The following SRCIN1 variants were observed in gnomAD, a reference collection of about 807,000 sequenced individuals.
The protein encoded by SRCIN1 is SRC kinase signaling inhibitor 1.
SRCIN1 carries 50 observed loss-of-function variants against 116.2 expected under a neutral mutation model. That is an observed-to-expected ratio of 0.43 (90% confidence interval 0.34 to 0.54). The LOEUF (loss-of-function observed/expected upper bound fraction) is 0.54. SRCIN1 is among the 20% of genes least tolerant of loss of function. The pLI is 0.02. For synonymous variants in SRCIN1, 736 were observed against 750.0 expected (o/e 0.98, Z 0.30); for missense variants, 1,446 against 1,672.0 (o/e 0.86, Z 2.36).
rs1906414975 is a variant in SRCIN1, at chr17:38,563,334, C to T, written c.729G>A (p.Leu243=). ...KDEARNVFYE[L]EDVRDIQDRS... ...CGGTCCACGCCCACCGGACGTCCTC[C>T]AGCTCGTAGAAGACGTTGCGAGCCT... Residue 243 remains leucine (L), a synonymous_variant, in exon 5 of 19, where the codon CTG becomes CTA. Transcript: ENST00000617146. This position sits in a 1 kb window ranked among gnomAD's most constrained non-coding sequence, Gnocchi z 5.8. 11 of 1,573,088 alleles carry T rather than the reference C, an allele frequency of 7.0e-6. No individual in the cohort carries two copies. Among genetic ancestry groups the T allele is most frequent in the Non-Finnish European group, 9.5e-6 (11 of 1,158,602 alleles).
In SRCIN1 at chr17:38,561,553, C is replaced by T; in HGVS notation, c.1610G>A (p.Gly537Glu). Residue 537 changes from glycine (G) to glutamate (E), a missense_variant, in exon 7 of 19, where the codon GGA (glycine) becomes GAA (glutamate). Gly to Glu is a moderately conservative substitution (Grantham distance 98). This residue lies in a region of SRCIN1 where 398 missense variants were observed against 385.6 expected (regional missense o/e 1.03). Transcript: ENST00000617146. ...TRSAGSASTA[G>E]APPSELFPGP... ...AGGGAAGAGCTCCGAAGGGGGAGCTCCGGCCGTCGAGGCGCTCCCCGCGCT... is the reference window on the plus strand; with the variant it reads ...AGGGAAGAGCTCCGAAGGGGGAGCTTCGGCCGTCGAGGCGCTCCCCGCGCT... 6.2e-7 allele frequency: 1 copy of T among 1,601,330 alleles called. No individual in the cohort carries two copies. Among genetic ancestry groups the T allele is most frequent in the Non-Finnish European group, 8.5e-7 (1 of 1,176,402 alleles).
intron 1 of SRCIN1, among the ~76,000 whole-genome samples, chr17:38,589,419 A>C (rs2143394610): frequency 6.6e-6 from 1 of 152,304 alleles, no homozygotes; most frequent in East Asian, 1.9e-4. Flanking sequence ...TTGGGGTGAA[A>C]GACAGTGGGG....
intron 2 of SRCIN1, among the ~76,000 whole-genome samples, chr17:38,570,934 C>T (rs1397725432): frequency 6.6e-6 from 1 of 152,256 alleles, no homozygotes; most frequent in East Asian, 1.9e-4. Context: ...GAACTTCAGG[C>T]TCTGATCTAT....
Position 38,559,579 on chromosome 17 carries a change from C to A in SRCIN1, c.2025+6G>T, listed in dbSNP as rs745314153. 1.3e-6 allele frequency: 2 copies of A among 1,597,582 alleles called. No homozygotes were observed. The highest frequency in any genetic ancestry group is 2.2e-5 in the East Asian group (1 of 44,750). On this transcript the variant is annotated splice_donor_region_variant and intron_variant, in intron 10 of 18. Coordinates refer to ENST00000617146, the MANE Select transcript of SRCIN1 (RefSeq NM_025248.3). ...TGGTGGGGCGGGGCCCAGGACGGGG[C>A]GGTACCTGGAGCTTGCGCAACTGCT... is the stretch of plus-strand genomic sequence containing the variant.
At chr17:38,538,654 T>C (rs1477279851) in intron 18 of SRCIN1, among the ~76,000 whole-genome samples, 1 of 152,134 alleles carries the variant, frequency 6.6e-6, no homozygotes, top group Non-Finnish European at 1.5e-5. Flanking sequence ...TGAGGCCCAG[T>C]GTTGCTTTAT....
intron 2 of SRCIN1, among the ~76,000 whole-genome samples, chr17:38,574,462 G>A (rs752795974): frequency 7.9e-5 from 12 of 152,150 alleles, no homozygotes; most frequent in Non-Finnish European, 1.3e-4. Context: ...ACTTCCTGAT[G>A]GTGGGACATC....
chr17:38,580,196 G>A (rs1396122712), intron 1 of SRCIN1, among the ~76,000 whole-genome samples: 1 of 152,174 alleles, frequency 6.6e-6, no homozygotes, highest in Non-Finnish European at 1.5e-5. Context: ...TCTATGGACA[G>A]CTGCCAGGTC....
intron 10 of SRCIN1, 43 bp downstream of exon 10, chr17:38,559,542 G>A: frequency 3.2e-6 from 5 of 1,578,920 alleles, no homozygotes; most frequent in Non-Finnish European, 4.3e-6. Context: ...ACTTCTACCA[G>A]TAGGTGGGCG....
Position 38,578,670 on chromosome 17 carries a change from C to A in SRCIN1, c.144G>T (p.Gly48=). ...GCCGCCGCTCGGACGTGTGCACCAG[C>A]CCCACGTTGGAGAAGCGCCGGCCCC... ...GSGGRRFSNV[G]LVHTSERRHT... The change falls in exon 2 of 19, where the codon GGG becomes GGT. Residue 48 remains glycine, a synonymous_variant. Coordinates refer to ENST00000617146, the MANE Select transcript of SRCIN1 (RefSeq NM_025248.3). 6.4e-7 allele frequency: 1 copy of A among 1,564,480 alleles called. No individual in the cohort carries two copies.
chr17:38,555,515 A>G (rs1374910229), intron 11 of SRCIN1, among the ~76,000 whole-genome samples: 1 of 152,356 alleles, frequency 6.6e-6, no homozygotes, highest in East Asian at 1.9e-4. Context: ...TTATTAAACA[A>G]TTTGGGAGCT....
chr17:38,575,733 T>C (rs757038600), intron 2 of SRCIN1, among the ~76,000 whole-genome samples: 2 of 152,176 alleles, frequency 1.3e-5, no homozygotes, highest in Non-Finnish European at 2.9e-5. Flanking sequence ...CTTTCTTTCC[T>C]GTATCTCAGT....
In SRCIN1 at chr17:38,562,166, C is replaced by T; in HGVS notation, c.997G>A (p.Ala333Thr). ...GCGTACGAAGGCGGGCGCCCCCCGG[C>T]GTACGATAGGCGCGAACGCGACGGC... ...GSPSRSRLSY[A>T]GGRPPSYAGS... Residue 333 changes from alanine to threonine, a missense_variant, in exon 7 of 19, where the codon GCC (alanine) becomes ACC (threonine). Ala to Thr is a moderately conservative substitution (Grantham distance 58). Coordinates refer to ENST00000617146, the MANE Select transcript of SRCIN1 (RefSeq NM_025248.3). This position sits in a 1 kb window ranked among gnomAD's most constrained non-coding sequence, Gnocchi z 4.2. 1 of 1,373,356 alleles carries T rather than the reference C, an allele frequency of 7.3e-7. No homozygotes were observed. The allele number at this position is 1,373,356 out of a possible 1,614,324, so 85.1% of individuals were successfully genotyped here.
intron 11 of SRCIN1, among the ~76,000 whole-genome samples, chr17:38,555,399 C>G (rs1476701634): frequency 7.9e-5 from 12 of 152,164 alleles, no homozygotes; most frequent in Non-Finnish European, 1.8e-4. Flanking sequence ...TTGAAGACGG[C>G]AGAACCTCCA....
intron 18 of SRCIN1, among the ~76,000 whole-genome samples, chr17:38,538,908 C>G (rs975362470): frequency 6.6e-6 from 1 of 151,580 alleles, no homozygotes; most frequent in African/African-American, 2.4e-5. Flanking sequence ...CACCTGCAAA[C>G]GGATAACAGG....
Position 38,533,308 on chromosome 17 carries a change from T to C in SRCIN1, c.3541A>G (p.Ile1181Val). 6.4e-7 allele frequency: 1 copy of C among 1,565,046 alleles called. No homozygotes were observed. The highest frequency in any genetic ancestry group is 8.7e-7 in the Non-Finnish European group (1 of 1,153,462). ...LTSFGARNSS[I>V]SF ...GGGGTGAGGGGCTTCTAGAAGGAGA[T>C]GGAAGAATTCCTTGCCCCAAAGGAA... Residue 1181 changes from isoleucine to valine, a missense_variant, in exon 19 of 19, where the codon ATC becomes GTC. By Grantham distance (29) the Ile-to-Val change is conservative. Transcript: ENST00000617146.
At chr17:38,581,485 TA>T (rs1907816466) in intron 1 of SRCIN1, among the ~76,000 whole-genome samples, 2 of 136,844 alleles carry the variant, frequency 1.5e-5, no homozygotes. Context: ...TTTTTTTAAA[TA>T]CCTTTATTTT....
chr17:38,569,079 G>A (rs1265609917), intron 2 of SRCIN1, among the ~76,000 whole-genome samples: 1 of 152,168 alleles, frequency 6.6e-6, no homozygotes, highest in East Asian at 1.9e-4. Flanking sequence ...GGCAGTGAAG[G>A]GAGTTGGGGA....
In SRCIN1 at chr17:38,568,469, T is replaced by TA. The variant is rs1906863240; in HGVS notation, c.325-239dup. Among the ~76,000 whole-genome samples, 2 of 152,302 alleles carry TA rather than the reference T, an allele frequency of 1.3e-5. No individual in the cohort carries two copies. Among genetic ancestry groups the TA allele is most frequent in the South Asian group, 4.1e-4 (2 of 4,824 alleles). On this transcript the variant is annotated intron_variant, in intron 2 of 18. Transcript: ENST00000617146. The surrounding 1 kb of genome is among the most constrained non-coding windows in gnomAD (Gnocchi z 4.5). ...GCGCTACAGCGACTCCTCGCAGAGTTACTGGTGGGAAAAGGCACAGAGGAT... is the reference window on the plus strand; with the variant it reads ...GCGCTACAGCGACTCCTCGCAGAGTTAACTGGTGGGAAAAGGCACAGAGGAT...
At position 38,563,061 on chromosome 17, in the gene SRCIN1, G is replaced by T; in HGVS notation, c.741-141C>A. 2.5e-6 allele frequency: 2 copies of T among 815,270 alleles called. No individual in the cohort carries two copies. The highest frequency in any genetic ancestry group is 3.9e-6 in the Non-Finnish European group (2 of 511,114). The allele number at this position is 815,270 out of a possible 1,614,324, so 50.5% of individuals were successfully genotyped here. ...CTCAGGCTGCCTGCACACACGCCCA[G>T]CAGCCTCCACCCCGGCCTCTTCCTG... On this transcript the variant is annotated intron_variant, in intron 5 of 18. Coordinates refer to ENST00000617146, the MANE Select transcript of SRCIN1 (RefSeq NM_025248.3). This position sits in a 1 kb window ranked among gnomAD's most constrained non-coding sequence, Gnocchi z 5.8.
Sources: gnomAD v4.1 joint callset for allele counts (sites outside exome capture counted in the v4.1 genomes callset) on GRCh38, gnomAD v4.1.1 for gene constraint, gnomAD v4.1.1 regional missense constraint, Gnocchi (gnomAD v3.1) non-coding constraint, MANE v1.5 for transcripts, NCBI Gene and HGNC (gene_info 2026-07-23, HGNC 2026-07-21) for gene names.